FBXO42: variants seen among roughly 807,000 people sequenced by gnomAD.
The protein encoded by FBXO42 is F-box only protein 42.
Under a neutral mutation model 71.7 loss-of-function variants are expected in FBXO42, and 12 were observed. The observed-to-expected ratio is 0.17, with a 90% CI of 0.11 to 0.27. FBXO42 has a LOEUF of 0.27. Among genes scored for constraint, FBXO42 ranks in the 10% least tolerant of loss-of-function variants. The pLI, the probability that FBXO42 is intolerant of heterozygous loss-of-function variation, is 1.00. For missense variants in FBXO42, 707 were observed against 911.9 expected, an observed-to-expected ratio of 0.78 and a Z score of 2.89; for synonymous variants, 325 against 327.5, an observed-to-expected ratio of 0.99 and a Z score of 0.08.
At chr1:16,329,585 A>AAATC (rs536634316) in intron 1 of FBXO42, among the ~76,000 whole-genome samples, 5 of 150,740 alleles carry the variant, frequency 3.3e-5, no homozygotes, top group African/African-American at 9.7e-5. Context: ...CTCCATCTAT[A>AAATC]AATCAATCAA....
Position 16,251,552 on chromosome 1 carries a change from C to T in FBXO42, c.1272G>A (p.Arg424=), listed in dbSNP as rs1173684915. The T allele has an allele frequency of 6.2e-7, 1 of 1,614,144 alleles. No homozygotes were observed. Among genetic ancestry groups the T allele is most frequent in the Non-Finnish European group, 8.5e-7 (1 of 1,180,020 alleles). Residue 424 remains arginine, a synonymous_variant, in exon 10 of 10, where the codon CGG becomes CGA. Coordinates refer to ENST00000375592, the MANE Select transcript of FBXO42 (RefSeq NM_018994.3). This position sits in a 1 kb window ranked among gnomAD's most constrained non-coding sequence, Gnocchi z 4.5. ...CTCTGGCTGGGGAAAGGCTCCCTTCCCGGGAACCTGAAGGAGTCTGCCTTT... is the reference window on the plus strand; with the variant it reads ...CTCTGGCTGGGGAAAGGCTCCCTTCTCGGGAACCTGAAGGAGTCTGCCTTT... ...RAQRQTPSGS[R]EGSLSPARGD...
chr1:16,351,777 T>TATTA (rs1162803026), intron 1 of FBXO42, among the ~76,000 whole-genome samples: 2 of 152,212 alleles, frequency 1.3e-5, no homozygotes, highest in Non-Finnish European at 2.9e-5. Context: ...AGGAAAGGCC[T>TATTA]TTTGTGTTTT....
At chr1:16,302,985 TCTGGCGGGCACA>T (rs1307366185) in intron 3 of FBXO42, among the ~76,000 whole-genome samples, 2 of 152,014 alleles carry the variant, frequency 1.3e-5, no homozygotes, top group Non-Finnish European at 2.9e-5. Flanking sequence ...CCAAACCATA[TCTGGCGGGCACA>T]CTGCTTGAGC....
intron 4 of FBXO42, among the ~76,000 whole-genome samples, chr1:16,281,693 C>G (rs1322891382): frequency 4.0e-5 from 6 of 149,182 alleles, no homozygotes; most frequent in Admixed American, 2.7e-4. Context: ...GAGTCTCACT[C>G]TGCTGCCCAG....
intron 1 of FBXO42, among the ~76,000 whole-genome samples, chr1:16,318,189 C>T (rs532618650): frequency 3.3e-5 from 5 of 152,208 alleles, no homozygotes; most frequent in South Asian, 2.1e-4. Flanking sequence ...GAGGCCTAGG[C>T]GGGTGGATCA....
intron 4 of FBXO42, among the ~76,000 whole-genome samples, chr1:16,270,654 TACAG>T (rs1171710022): frequency 5.3e-5 from 5 of 94,794 alleles, no homozygotes; most frequent in Non-Finnish European, 9.5e-5. Flanking sequence ...GCCTGAGCAA[TACAG>T]AGAGACTCTG....
At chr1:16,317,337 G>A (rs11581041) in intron 1 of FBXO42, among the ~76,000 whole-genome samples, 28,914 of 152,044 alleles carry the variant, frequency 0.19, 3,166 homozygotes, top group Non-Finnish European at 0.24. Context: ...AAAATCACTT[G>A]AACCCAGGAG....
Position 16,250,971 on chromosome 1 carries a change from G to T in FBXO42, c.1853C>A (p.Ala618Asp), listed in dbSNP as rs2081585290. ...TGGAGGGTGGTGGCCCAGGCGGCGA[G>T]CAATGGGAGGTAAGGAATGTCCATC... Reference protein sequence around the residue: ...QGDGHSLPPIARRLGHHPPQS... With the variant: ...QGDGHSLPPIDRRLGHHPPQS... The change falls in exon 10 of 10, where the codon GCT (alanine) becomes GAT (aspartate). Residue 618 changes from alanine to aspartate, a missense_variant. By Grantham distance (126) the Ala-to-Asp change is moderately radical (BLOSUM62 -2). Around this residue, in one of 5 missense-constraint regions of FBXO42, gnomAD observed 482 missense variants for 587.1 expected, o/e 0.82. Coordinates refer to ENST00000375592, the MANE Select transcript of FBXO42 (RefSeq NM_018994.3). This position sits in a 1 kb window ranked among gnomAD's most constrained non-coding sequence, Gnocchi z 4.7. 6.2e-7 allele frequency: 1 copy of T among 1,614,200 alleles called. No homozygotes were observed. Among genetic ancestry groups the T allele is most frequent in the Non-Finnish European group, 8.5e-7 (1 of 1,180,034 alleles).
In FBXO42 at chr1:16,300,343, C is replaced by G. The variant is rs911901094; in HGVS notation, c.368-5426G>C. On this transcript the variant is annotated intron_variant, in intron 3 of 9. Coordinates refer to ENST00000375592, the MANE Select transcript of FBXO42 (RefSeq NM_018994.3). ...CCTATTAAAATACAAGTCAAATAGT[C>G]ACAATTTAATTACACACAGAGCAAG... Among the ~76,000 whole-genome samples the G allele has an allele frequency of 7.4e-4, 112 of 152,268 alleles. 1 individual carries two copies. Among genetic ancestry groups the G allele is most frequent in the African/African-American group, 2.6e-3 (110 of 41,572 alleles).
intron 1 of FBXO42, among the ~76,000 whole-genome samples, chr1:16,344,327 T>A (rs1325243180): frequency 6.7e-6 from 1 of 148,744 alleles, no homozygotes; most frequent in African/African-American, 2.4e-5. Flanking sequence ...TATATAATTT[T>A]TTTTTTTTTT....
intron 4 of FBXO42, among the ~76,000 whole-genome samples, chr1:16,260,955 C>G (rs2081705354): frequency 6.6e-6 from 1 of 152,200 alleles, no homozygotes; most frequent in African/African-American, 2.4e-5. Flanking sequence ...TCTCCCACCT[C>G]TGCCACCTCC....
intron 4 of FBXO42, among the ~76,000 whole-genome samples, chr1:16,265,993 AGTCTT>A (rs1284151219): frequency 6.6e-6 from 1 of 152,044 alleles, no homozygotes; most frequent in African/African-American, 2.4e-5. Flanking sequence ...CTGTTACTCT[AGTCTT>A]ACACACTTCA....
At chr1:16,303,875 A>G (rs1432000909) in intron 3 of FBXO42, among the ~76,000 whole-genome samples, 1 of 152,086 alleles carries the variant, frequency 6.6e-6, no homozygotes, top group Admixed American at 6.6e-5. Flanking sequence ...CCTCCCCAGT[A>G]GCTGCGACTA....
chr1:16,346,740 T>G (rs570809863), intron 1 of FBXO42, among the ~76,000 whole-genome samples: 27 of 146,176 alleles, frequency 1.8e-4, no homozygotes, highest in Admixed American at 1.7e-3. Context: ...TAAATTACTG[T>G]ACTGAACAGT....
chr1:16,347,992 C>CAAAAAAA (rs541561756), intron 1 of FBXO42, among the ~76,000 whole-genome samples: 6 of 67,750 alleles, frequency 8.9e-5, no homozygotes, highest in Non-Finnish European at 1.2e-4. Context: ...GACTCCGTCT[C>CAAAAAAA]AAAAAAAAAA....
At chr1:16,314,659 C>T (rs887527652) in intron 2 of FBXO42, among the ~76,000 whole-genome samples, 3 of 152,048 alleles carry the variant, frequency 2.0e-5, no homozygotes, top group Non-Finnish European at 4.4e-5. Flanking sequence ...CTGAGGCGGG[C>T]GGATCACGAG....
intron 4 of FBXO42, among the ~76,000 whole-genome samples, chr1:16,266,313 G>A (rs1479837139): frequency 6.7e-6 from 1 of 149,802 alleles, no homozygotes; most frequent in Non-Finnish European, 1.5e-5. Context: ...GAGGAAAAGA[G>A]CCATGCTAAA....
chr1:16,252,508 G>A lies in FBXO42; in HGVS notation c.922-104C>T. The A allele has an allele frequency of 4.5e-6, 4 of 882,052 alleles. No homozygotes were observed. The highest frequency in any genetic ancestry group is 4.3e-5 in the South Asian group (3 of 70,152). The allele number at this position is 882,052 out of a possible 1,614,324, so 54.6% of individuals were successfully genotyped here. A position where few individuals can be genotyped will look rare whatever the true frequency, so the allele number is the denominator to read the frequency against. On this transcript the variant is annotated intron_variant, in intron 8 of 9. Coordinates refer to ENST00000375592, the MANE Select transcript of FBXO42 (RefSeq NM_018994.3). This position sits in a 1 kb window ranked among gnomAD's most constrained non-coding sequence, Gnocchi z 4.4. ...AAGCTCTCCTGTCTGGTCTTGAAAG[G>A]ATGTGGACTCTTCAGAAGGATAGCA... is the stretch of plus-strand genomic sequence containing the variant.
intron 4 of FBXO42, among the ~76,000 whole-genome samples, chr1:16,279,854 C>CTTTTTCTTTTT (rs1553151075): frequency 0.027 from 3,734 of 138,164 alleles, 234 homozygotes; most frequent in African/African-American, 0.094. Context: ...TTTTTTTTTT[C>CTTTTTCTTTTT]TTTTTTTTTT....
Sources: gnomAD v4.1 joint callset for allele counts (sites outside exome capture counted in the v4.1 genomes callset) on GRCh38, gnomAD v4.1.1 for gene constraint, gnomAD v4.1.1 regional missense constraint, Gnocchi (gnomAD v3.1) non-coding constraint, MANE v1.5 for transcripts, NCBI Gene and HGNC (gene_info 2026-07-23, HGNC 2026-07-21) for gene names.